SYN3: variants seen among roughly 807,000 people sequenced by gnomAD.
SYN3 encodes the protein synapsin III.
A neutral mutation model predicts 65.8 loss-of-function variants in SYN3; 35 were observed. That is an observed-to-expected ratio of 0.53 (90% CI 0.41 to 0.70). The LOEUF is 0.70. Among genes scored for constraint, SYN3 ranks in the 30% least tolerant of loss-of-function variants. The pLI is 0.00. For synonymous variants in SYN3, 270 were observed against 292.9 expected (o/e 0.92, Z 0.80); for missense variants, 680 against 749.0 (o/e 0.91, Z 1.08).
intron 6 of SYN3, among the ~76,000 whole-genome samples, chr22:32,705,186 G>C (rs2060864330): frequency 6.6e-6 from 1 of 152,006 alleles, no homozygotes; most frequent in Non-Finnish European, 1.5e-5. Flanking sequence ...TATAGTTTTG[G>C]GTTTTACATT....
At chr22:32,667,802 T>TTCC (rs2060309582) in intron 6 of SYN3, among the ~76,000 whole-genome samples, 1 of 143,966 alleles carries the variant, frequency 6.9e-6, no homozygotes, top group East Asian at 2.2e-4. Flanking sequence ...TTCTTTCTTT[T>TTCC]TTTTTTTTTT....
chr22:32,670,022 C>T (rs2060339465), intron 6 of SYN3, among the ~76,000 whole-genome samples: 1 of 152,200 alleles, frequency 6.6e-6, no homozygotes, highest in Non-Finnish European at 1.5e-5. Context: ...TGTCATTATA[C>T]TAGCCCCAGA....
rs570497918 is a variant in SYN3 at position 32,643,357 on chromosome 22, C to T, written c.712-46621G>A. 1.2e-4 allele frequency among the ~76,000 whole-genome samples: 18 copies of T among 152,226 alleles called. 1 individual carries two copies. The East Asian group carries it at 2.9e-3, about 25-fold the overall frequency. On this transcript the variant is annotated intron_variant, in intron 6 of 13. Coordinates refer to ENST00000358763, the MANE Select transcript of SYN3 (RefSeq NM_003490.4). The stretch of plus-strand genomic sequence containing the variant: ...CCTGCCAAAGTGCTGGGATTACAGG[C>T]GTGAGCCACTGCGCCCCACCAAGGG...
chr22:32,649,977 C>T (rs1470309529), intron 6 of SYN3, among the ~76,000 whole-genome samples: 1 of 152,090 alleles, frequency 6.6e-6, no homozygotes, highest in Non-Finnish European at 1.5e-5. Context: ...TGAGAAGGGG[C>T]TCATGACTAG....
chr22:32,621,108 A>G (rs1200144403), intron 6 of SYN3, among the ~76,000 whole-genome samples: 1 of 152,180 alleles, frequency 6.6e-6, no homozygotes, highest in Non-Finnish European at 1.5e-5. Flanking sequence ...GCAAGAGCAC[A>G]TGACCATGTA....
chr22:32,981,482 G>A (rs892224680), intron 2 of SYN3, among the ~76,000 whole-genome samples: 1 of 151,830 alleles, frequency 6.6e-6, no homozygotes, highest in Non-Finnish European at 1.5e-5. Context: ...CTACCCGGGA[G>A]GCTGAGGCAG....
At chr22:32,828,862 C>T (rs2047489391) in intron 6 of SYN3, among the ~76,000 whole-genome samples, 1 of 152,098 alleles carries the variant, frequency 6.6e-6, no homozygotes, top group Admixed American at 6.5e-5. Flanking sequence ...ATCAGCCAAG[C>T]TTGGGGGAGA....
At chr22:32,926,313 G>A (rs562720603) in intron 4 of SYN3, among the ~76,000 whole-genome samples, 1 of 152,324 alleles carries the variant, frequency 6.6e-6, no homozygotes, top group African/African-American at 2.4e-5. Context: ...AAATGAGGGT[G>A]CTATGAAGAA....
At chr22:33,030,912 G>C (rs936891710) in intron 1 of SYN3, among the ~76,000 whole-genome samples, 1 of 152,182 alleles carries the variant, frequency 6.6e-6, no homozygotes, top group East Asian at 1.9e-4. Context: ...GAGTGATAGA[G>C]ACAGACAAAG....
At chr22:32,647,065 A>AAC (rs1198603316) in intron 6 of SYN3, among the ~76,000 whole-genome samples, 1 of 152,212 alleles carries the variant, frequency 6.6e-6, no homozygotes, top group Non-Finnish European at 1.5e-5. Context: ...TGTAACTGCC[A>AAC]AAGGCTTGGG....
Position 32,518,325 on chromosome 22 carries a change from C to G in SYN3, c.1328G>C (p.Arg443Pro). The G allele has an allele frequency of 6.2e-7, 1 of 1,607,598 alleles. No homozygotes were observed. The highest frequency in any genetic ancestry group is 8.5e-7 in the Non-Finnish European group (1 of 1,177,076). ...CTGGGGCTGAGGAGACTGAGCTTGG[C>G]GAGGGCCTCCTAAGGGGCCAGAAAA... The part of the protein sequence containing the change: ...QPRPPPQGGP[R>P]QAQSPQPQRS... The change falls in exon 13 of 14, where the codon CGC becomes CCC. Residue 443 changes from arginine (R) to proline (P), a missense_variant. By Grantham distance (103) the Arg-to-Pro change is moderately radical (BLOSUM62 -2). Transcript: ENST00000358763.
intron 3 of SYN3, among the ~76,000 whole-genome samples, chr22:32,953,049 G>T (rs2051338289): frequency 6.6e-6 from 1 of 152,208 alleles, no homozygotes; most frequent in Admixed American, 6.5e-5. Flanking sequence ...ATGAATGTTA[G>T]CTATCAAGGT....
intron 2 of SYN3, among the ~76,000 whole-genome samples, chr22:32,998,040 A>AC (rs1569392981): frequency 6.6e-6 from 1 of 151,620 alleles, no homozygotes; most frequent in East Asian, 1.9e-4. Flanking sequence ...AAAAAAAAAA[A>AC]AAAGAATGCC....
chr22:32,781,406 T>C (rs1602134629), intron 6 of SYN3, among the ~76,000 whole-genome samples: 1 of 152,310 alleles, frequency 6.6e-6, no homozygotes, highest in East Asian at 1.9e-4. Context: ...AGCAAGGCTA[T>C]GTGGGTTTAA....
intron 6 of SYN3, among the ~76,000 whole-genome samples, chr22:32,789,895 T>C (rs142973423): frequency 0.01 from 1,591 of 152,314 alleles, 22 homozygotes; most frequent in African/African-American, 0.034. Flanking sequence ...AGGCTACTTG[T>C]AGATTGTCTT....
intron 4 of SYN3, among the ~76,000 whole-genome samples, chr22:32,901,668 C>T (rs1254575859): frequency 6.6e-6 from 1 of 152,202 alleles, no homozygotes; most frequent in Non-Finnish European, 1.5e-5. Flanking sequence ...TTCTTAATCC[C>T]CAGGACAACC....
intron 3 of SYN3, among the ~76,000 whole-genome samples, chr22:32,962,850 A>ATCTATCTG (rs1556036780): frequency 2.5e-5 from 3 of 121,966 alleles, no homozygotes; most frequent in East Asian, 2.3e-4. Flanking sequence ...CTATCTATCT[A>ATCTATCTG]TCTGTCTGTC....
chr22:32,894,348 A>G (rs1200638162), intron 4 of SYN3, among the ~76,000 whole-genome samples: 1 of 152,208 alleles, frequency 6.6e-6, no homozygotes, highest in African/African-American at 2.4e-5. Flanking sequence ...GCTCTGATAA[A>G]TGCTGTGGGT....
intron 6 of SYN3, among the ~76,000 whole-genome samples, chr22:32,651,025 T>G (rs3788470): frequency 0.18 from 26,825 of 151,988 alleles, 3,398 homozygotes; most frequent in East Asian, 0.68. Context: ...TGCAGCCAAG[T>G]CCTCATGGGT....
Sources: gnomAD v4.1 joint callset for allele counts (sites outside exome capture counted in the v4.1 genomes callset) on GRCh38, gnomAD v4.1.1 for gene constraint, MANE v1.5 for transcripts, NCBI Gene and HGNC (gene_info 2026-07-23, HGNC 2026-07-21) for gene names.